Variants in KCNN2 observed in about 807,000 individuals in gnomAD.
The protein encoded by KCNN2 is potassium calcium-activated channel subfamily N member 2.
Under a neutral mutation model 55.5 loss-of-function variants are expected in KCNN2, and 24 were observed. That is an observed-to-expected ratio of 0.43 (90% CI 0.31 to 0.61). The LOEUF is 0.61. Ranked by LOEUF, KCNN2 falls within the 20% of genes least tolerant of loss-of-function variation. The pLI is 0.08. For missense variants in KCNN2, 754 were observed against 853.6 expected, an observed-to-expected ratio of 0.88 and a Z score of 1.45; for synonymous variants, 431 against 336.1, an observed-to-expected ratio of 1.28 and a Z score of -3.09.
At chr5:114,301,101 T>C (rs1208892570) in intron 2 of KCNN2, among the ~76,000 whole-genome samples, 2 of 152,124 alleles carry the variant, frequency 1.3e-5, no homozygotes, top group African/African-American at 4.8e-5. Context: ...TATAGACTGT[T>C]CTTGAGAGTC....
At chr5:114,288,497 TATACACAC>T (rs1431217188) in intron 2 of KCNN2, among the ~76,000 whole-genome samples, 2 of 128,776 alleles carry the variant, frequency 1.6e-5, no homozygotes, top group Admixed American at 7.8e-5. Flanking sequence ...TATATATATA[TATACACAC>T]ACACACACAC....
At chr5:114,426,227 T>C (rs1759620150) in intron 3 of KCNN2, among the ~76,000 whole-genome samples, 1 of 152,178 alleles carries the variant, frequency 6.6e-6, no homozygotes, top group Non-Finnish European at 1.5e-5. Context: ...TTCCCAATTA[T>C]ATTTTGAACA....
intron 3 of KCNN2, among the ~76,000 whole-genome samples, chr5:114,413,601 T>C (rs914633387): frequency 6.6e-6 from 1 of 152,228 alleles, no homozygotes; most frequent in East Asian, 1.9e-4. Flanking sequence ...TTTTATTTTT[T>C]AACTCTTTTT....
intron 3 of KCNN2, among the ~76,000 whole-genome samples, chr5:114,437,835 A>G (rs1760061800): frequency 6.6e-6 from 1 of 152,158 alleles, no homozygotes; most frequent in African/African-American, 2.4e-5. Context: ...TATTTGAGTA[A>G]GATTTTTTCT....
At chr5:114,075,242 T>G (rs150467641) in intron 1 of KCNN2, among the ~76,000 whole-genome samples, 1 of 152,310 alleles carries the variant, frequency 6.6e-6, no homozygotes, top group Non-Finnish European at 1.5e-5. Context: ...ATTGAGTGAC[T>G]TGGCTGAAGG....
intron 1 of KCNN2, among the ~76,000 whole-genome samples, chr5:114,139,904 T>G (rs1752241968): frequency 6.6e-6 from 1 of 151,952 alleles, no homozygotes; most frequent in Non-Finnish European, 1.5e-5. Flanking sequence ...ACTGAATTTT[T>G]TTTTCATAGA....
Position 114,404,563 on chromosome 5 carries a change from A to G in KCNN2, c.1344A>G (p.Thr448=), listed in dbSNP as rs761700356. Residue 448 remains threonine, a synonymous_variant, in exon 3 of 8, where the codon ACA becomes ACG. Coordinates refer to ENST00000673685, the MANE Select transcript of KCNN2 (RefSeq NM_021614.4). ...IHPIPGNYTF[T]WTARLAFSYA... Reference sequence around the variant, plus strand: ...CCATACCTGGGAATTATACATTCACATGGACGGCCCGGCTTGCCTTCTCCT... The same window carrying G: ...CCATACCTGGGAATTATACATTCACGTGGACGGCCCGGCTTGCCTTCTCCT... 2.5e-6 allele frequency: 4 copies of G among 1,613,896 alleles called. No individual in the cohort carries two copies. The highest frequency in any genetic ancestry group is 3.4e-6 in the Non-Finnish European group (4 of 1,180,026).
intron 2 of KCNN2, among the ~76,000 whole-genome samples, chr5:114,234,440 T>A (rs948939924): frequency 6.6e-6 from 1 of 152,212 alleles, no homozygotes; most frequent in Non-Finnish European, 1.5e-5. Context: ...ATGTAGTATA[T>A]TCTTCTTTGC....
chr5:114,345,362 G>A (rs1757087328), intron 2 of KCNN2, among the ~76,000 whole-genome samples: 2 of 152,174 alleles, frequency 1.3e-5, no homozygotes, highest in Non-Finnish European at 2.9e-5. Flanking sequence ...AAGGATAACA[G>A]AATGGCAATG....
chr5:114,341,636 G>C (rs930194866), intron 2 of KCNN2, among the ~76,000 whole-genome samples: 13 of 151,960 alleles, frequency 8.6e-5, no homozygotes, highest in Admixed American at 3.9e-4. Flanking sequence ...CGAAGCCAGA[G>C]ATAGTAAAAG....
intron 4 of KCNN2, among the ~76,000 whole-genome samples, chr5:114,471,766 C>A (rs1281180588): frequency 6.6e-6 from 1 of 152,038 alleles, no homozygotes; most frequent in Non-Finnish European, 1.5e-5. Context: ...CTATTTAAGC[C>A]CTCTGGAAAT....
chr5:114,448,344 A>T (rs1206832167), intron 3 of KCNN2, among the ~76,000 whole-genome samples: 2 of 152,128 alleles, frequency 1.3e-5, no homozygotes, highest in Non-Finnish European at 2.9e-5. Flanking sequence ...GGTGGGTCTT[A>T]GCGGTGATGG....
chr5:114,311,349 C>T (rs1252945709), intron 2 of KCNN2, among the ~76,000 whole-genome samples: 1 of 152,098 alleles, frequency 6.6e-6, no homozygotes, highest in African/African-American at 2.4e-5. Context: ...AGTGATTCTA[C>T]TAGCAATGAC....
intron 2 of KCNN2, among the ~76,000 whole-genome samples, chr5:114,400,852 C>T (rs1758763790): frequency 6.6e-6 from 1 of 152,154 alleles, no homozygotes; most frequent in African/African-American, 2.4e-5. Context: ...TCCTGATGAC[C>T]ACATCTACTG....
At chr5:114,279,709 T>A (rs186922257) in intron 2 of KCNN2, among the ~76,000 whole-genome samples, 71 of 152,312 alleles carry the variant, frequency 4.7e-4, no homozygotes, top group East Asian at 3.1e-3. Flanking sequence ...TTGATGGACA[T>A]GTGGGTTGGT....
chr5:114,415,464 G>A (rs996484416), intron 3 of KCNN2, among the ~76,000 whole-genome samples: 8 of 152,158 alleles, frequency 5.3e-5, no homozygotes, highest in African/African-American at 1.9e-4. Flanking sequence ...ATCTGGATAT[G>A]GGTATATAGC....
chr5:114,403,363 C>T (rs2150070486), intron 2 of KCNN2, among the ~76,000 whole-genome samples: 1 of 152,266 alleles, frequency 6.6e-6, no homozygotes, highest in East Asian at 1.9e-4. Flanking sequence ...AAGAACAGTG[C>T]TATTTTATTT....
chr5:114,286,220 G>C (rs963782965), intron 2 of KCNN2, among the ~76,000 whole-genome samples: 2 of 152,218 alleles, frequency 1.3e-5, no homozygotes, highest in South Asian at 2.1e-4. Flanking sequence ...TGAATGACAG[G>C]GTAGATCAGG....
intron 3 of KCNN2, among the ~76,000 whole-genome samples, chr5:114,425,150 A>T (rs188393476): frequency 6.6e-6 from 1 of 152,208 alleles, no homozygotes; most frequent in African/African-American, 2.4e-5. Context: ...AATGAAAGAT[A>T]CTACAATTTG....
Sources: gnomAD v4.1 joint callset for allele counts (sites outside exome capture counted in the v4.1 genomes callset) on GRCh38, gnomAD v4.1.1 for gene constraint, MANE v1.5 for transcripts, NCBI Gene and HGNC (gene_info 2026-07-23, HGNC 2026-07-21) for gene names.